DUSP10: variants seen among roughly 807,000 people sequenced by gnomAD.
DUSP10 encodes dual specificity phosphatase 10, also known as dual specificity protein phosphatase 10.
In DUSP10, 14 loss-of-function variants were observed where a neutral mutation model predicts 30.8. The observed-to-expected ratio is 0.46, with a 90% confidence interval of 0.30 to 0.71. The LOEUF is 0.71. DUSP10 is among the 30% of genes least tolerant of loss of function. DUSP10 has a pLI of 0.08. For synonymous variants in DUSP10, 254 were observed against 250.4 expected (o/e 1.01, Z -0.14); for missense variants, 550 against 619.4 (o/e 0.89, Z 1.19).
chr1:221,739,736 C>G lies in DUSP10; in HGVS notation c.9G>C (p.Pro3=), dbSNP rs776606563. The G allele has an allele frequency of 6.3e-7, 1 of 1,588,402 alleles. No individual in the cohort carries two copies. Among genetic ancestry groups the G allele is most frequent in the East Asian group, 2.2e-5 (1 of 44,530 alleles). MP[P]SPLDDRVVVA... ...CTACTACCCTGTCGTCTAAAGGAGA[C>G]GGAGGCATGAGGAGGCTGAAAACTG... The change falls in exon 2 of 4, where the codon CCG becomes CCC. Residue 3 remains proline (P), a synonymous_variant. Transcript: ENST00000366899.
chr1:221,722,772 G>A (rs1462211381), intron 2 of DUSP10, among the ~76,000 whole-genome samples: 2 of 152,168 alleles, frequency 1.3e-5, no homozygotes, highest in African/African-American at 4.8e-5. Flanking sequence ...GCCTGAGCAG[G>A]AAACAGAAGA....
rs79502545 is a variant in DUSP10, at chr1:221,723,446, G to A, written c.811+15488C>T. ...GCAATATAATTCTGAAACTGACTAA[G>A]CAGAGTCAGTGCAGACTCCCCAAGT... On this transcript the variant is annotated intron_variant, in intron 2 of 3. Coordinates refer to ENST00000366899, the MANE Select transcript of DUSP10 (RefSeq NM_007207.6). Among the ~76,000 whole-genome samples the A allele has an allele frequency of 3.0e-3, 462 of 152,332 alleles. 3 individuals carry two copies. The highest frequency in any genetic ancestry group is 0.014 in the Middle Eastern group (4 of 294).
chr1:221,704,251 A>G (rs561760851), intron 3 of DUSP10, among the ~76,000 whole-genome samples: 7 of 151,244 alleles, frequency 4.6e-5, no homozygotes, highest in Non-Finnish European at 7.4e-5. Context: ...AATTGTGCCT[A>G]TGCAGGTTGT....
At chr1:221,711,891 G>C (rs532960965) in intron 2 of DUSP10, 3 of 152,240 alleles carry the variant, frequency 2.0e-5, no homozygotes, top group Non-Finnish European at 2.9e-5. Flanking sequence ...ATAAGCACAA[G>C]AATCTGTGGA....
intron 2 of DUSP10, among the ~76,000 whole-genome samples, chr1:221,732,839 A>C (rs1661658183): frequency 6.6e-6 from 1 of 152,218 alleles, no homozygotes. Flanking sequence ...CGAACTGGGC[A>C]TCATAGGTTA....
intron 2 of DUSP10, among the ~76,000 whole-genome samples, chr1:221,720,442 T>C (rs555444439): frequency 6.6e-6 from 1 of 152,234 alleles, no homozygotes; most frequent in Non-Finnish European, 1.5e-5. Flanking sequence ...CTTTGTAATA[T>C]CTTTTATAAT....
intron 2 of DUSP10, among the ~76,000 whole-genome samples, chr1:221,715,912 C>G (rs1440508329): frequency 3.9e-5 from 6 of 151,952 alleles, no homozygotes; most frequent in Non-Finnish European, 5.9e-5. Flanking sequence ...GTCTCTATCT[C>G]TATCCCCTTT....
At position 221,702,669 on chromosome 1, in the gene DUSP10, G is replaced by T; in HGVS notation, c.1192C>A (p.His398Asn). The change falls in exon 4 of 4, where the codon CAC becomes AAC. Residue 398 changes from histidine (H) to asparagine (N), a missense_variant. By Grantham distance (68) the His-to-Asn change is moderately conservative. Transcript: ENST00000366899. This position sits in a 1 kb window ranked among gnomAD's most constrained non-coding sequence, Gnocchi z 4.5. ...ATGAGAAGCCCCTTCCCACACTGGT[G>T]AGCTTCCTCTGAAAAAAGGGAGAAA... The part of the protein sequence containing the change: ...EEAFEFIEEA[H>N]QCGKGLLIHC... 6.2e-7 allele frequency: 1 copy of T among 1,613,444 alleles called. No individual in the cohort carries two copies. The highest frequency in any genetic ancestry group is 8.5e-7 in the Non-Finnish European group (1 of 1,179,456).
At chr1:221,734,439 G>A (rs1485518012) in intron 2 of DUSP10, among the ~76,000 whole-genome samples, 2 of 152,086 alleles carry the variant, frequency 1.3e-5, no homozygotes, top group Non-Finnish European at 2.9e-5. Flanking sequence ...TACTCCTTAG[G>A]AACAAAATTT....
At chr1:221,736,470 G>T (rs1661775389) in intron 2 of DUSP10, among the ~76,000 whole-genome samples, 1 of 152,136 alleles carries the variant, frequency 6.6e-6, no homozygotes, top group South Asian at 2.1e-4. Flanking sequence ...CACCAAGGGA[G>T]GGGATTACTC....
At chr1:221,703,029 C>T (rs1660651621) in intron 3 of DUSP10, among the ~76,000 whole-genome samples, 1 of 151,998 alleles carries the variant, frequency 6.6e-6, no homozygotes, top group Admixed American at 6.6e-5. Context: ...CTGATCAAGT[C>T]GACTCTAACA....
In DUSP10 at chr1:221,702,481, T is replaced by C. The variant is rs1317474911; in HGVS notation, c.1380A>G (p.Glu460=). ...TCGGTGTCACACCGTTGTTTAGGTC[T>C]TCCTCGAACTCTAGCAACTGCCCCA... ...NFMGQLLEFE[E]DLNNGVTPRI... Residue 460 remains glutamate, a synonymous_variant, in exon 4 of 4, where the codon GAA becomes GAG. Transcript: ENST00000366899. This position sits in a 1 kb window ranked among gnomAD's most constrained non-coding sequence, Gnocchi z 4.5. The C allele has an allele frequency of 6.2e-7, 1 of 1,614,162 alleles. No individual in the cohort carries two copies. Among genetic ancestry groups the C allele is most frequent in the Middle Eastern group, 1.6e-4 (1 of 6,062 alleles).
intron 2 of DUSP10, among the ~76,000 whole-genome samples, chr1:221,707,650 A>T (rs897817665): frequency 6.6e-6 from 1 of 152,234 alleles, no homozygotes; most frequent in Non-Finnish European, 1.5e-5. Context: ...GATGTTCACT[A>T]CAATGTTATC....
Position 221,706,120 on chromosome 1 carries a change from G to A in DUSP10, c.1158C>T (p.Tyr386=). The stretch of plus-strand genomic sequence containing the variant: ...CAATGAACTCAAAAGCCTCTTCAAA[G>A]TACTGCCGCAGGTTCTGCTTGTTGC... ...TDSNKQNLRQ[Y]FEEAFEFIEE... is the part of the protein sequence containing the mutation. Residue 386 remains tyrosine, a synonymous_variant, in exon 3 of 4, where the codon TAC becomes TAT. Coordinates refer to ENST00000366899, the MANE Select transcript of DUSP10 (RefSeq NM_007207.6). The surrounding 1 kb of genome is among the most constrained non-coding windows in gnomAD (Gnocchi z 4.6). 6.2e-7 allele frequency: 1 copy of A among 1,614,068 alleles called. No individual in the cohort carries two copies. The highest frequency in any genetic ancestry group is 8.5e-7 in the Non-Finnish European group (1 of 1,179,962).
intron 2 of DUSP10, chr1:221,711,660 G>C (rs1382010461): frequency 1.3e-5 from 2 of 152,174 alleles, no homozygotes; most frequent in Non-Finnish European, 1.5e-5. Context: ...GCAAGTTATT[G>C]ATGTCTCTGC....
chr1:221,736,891 A>G (rs1018977580), intron 2 of DUSP10: 1 of 985,318 alleles, frequency 1.0e-6, no homozygotes. Flanking sequence ...TGTCTCACCA[A>G]CTCGAAAATG....
rs1382986960 is a variant in DUSP10, at chr1:221,706,193, T to C, written c.1085A>G (p.His362Arg). The change falls in exon 3 of 4, where the codon CAC becomes CGC. Residue 362 changes from histidine (H) to arginine (R), a missense_variant. Transcript: ENST00000366899. The surrounding 1 kb of genome is among the most constrained non-coding windows in gnomAD (Gnocchi z 4.6). ...INVTTHLPLY[H>R]YEKGLFNYKR... ...GTAGTTGAACAGGCCTTTCTCATAG[T>C]GGTAGAGGGGAAGATGAGTGGTGAC... 2 of 1,613,876 alleles carry C rather than the reference T, an allele frequency of 1.2e-6. No individual in the cohort carries two copies. Among genetic ancestry groups the C allele is most frequent in the African/African-American group, 1.3e-5 (1 of 74,866 alleles).
rs113205295 is a variant in DUSP10, at chr1:221,703,219, G to GTA, written c.1184-544_1184-543dup. Among the ~76,000 whole-genome samples the GTA allele has an allele frequency of 3.5e-3, 521 of 149,420 alleles. 3 individuals carry two copies. Among genetic ancestry groups the GTA allele is most frequent in the African/African-American group, 9.8e-3 (401 of 40,740 alleles). On this transcript the variant is annotated intron_variant, in intron 3 of 3. Transcript: ENST00000366899. ...TGTGTGTATGTGTGTGTGTGTGTGT[G>GTA]TATATATATATATATGCAGTTCCTC...
chr1:221,704,777 C>A lies in DUSP10; in HGVS notation c.1183+1318G>T, dbSNP rs114042430. On this transcript the variant is annotated intron_variant, in intron 3 of 3. Coordinates refer to ENST00000366899, the MANE Select transcript of DUSP10 (RefSeq NM_007207.6). ...TTTACTTCTCTAAGTTCAGTGATCA[C>A]CCTGAATTTCCTTTCAGACTCAATA... 3.6e-3 allele frequency among the ~76,000 whole-genome samples: 554 copies of A among 152,234 alleles called. 2 individuals carry two copies. Among genetic ancestry groups the A allele is most frequent in the African/African-American group, 0.013 (541 of 41,540 alleles).
Sources: allele counts gnomAD v4.1 joint callset (sites outside exome capture counted in the v4.1 genomes callset), GRCh38; gene constraint gnomAD v4.1.1; non-coding constraint Gnocchi (gnomAD v3.1); transcripts MANE v1.5; gene names NCBI Gene and HGNC (gene_info 2026-07-23, HGNC 2026-07-21).